Variants in MTUS2 observed in about 807,000 individuals in gnomAD.
MTUS2 encodes the protein microtubule associated scaffold protein 2, also known as microtubule-associated tumor suppressor candidate 2.
Under a neutral mutation model 114.1 loss-of-function variants are expected in MTUS2, and 40 were observed. The observed-to-expected ratio is 0.35, with a 90% CI of 0.27 to 0.46. The LOEUF (loss-of-function observed/expected upper bound fraction) is 0.46. MTUS2 is among the 20% of genes least tolerant of loss of function. MTUS2 has a pLI of 1.00. For synonymous variants in MTUS2, 688 were observed against 672.0 expected, an observed-to-expected ratio of 1.02 and a Z score of -0.37; for missense variants, 1,679 against 1,705.4, an observed-to-expected ratio of 0.98 and a Z score of 0.27.
chr13:29,190,631 G>A (rs1475258765), intron 5 of MTUS2, among the ~76,000 whole-genome samples: 1 of 152,214 alleles, frequency 6.6e-6, no homozygotes, highest in Non-Finnish European at 1.5e-5. Flanking sequence ...CATTGTGTTA[G>A]TTAGGTGTGG....
At chr13:29,203,354 C>T (rs969686410) in intron 5 of MTUS2, among the ~76,000 whole-genome samples, 2 of 152,040 alleles carry the variant, frequency 1.3e-5, no homozygotes, top group African/African-American at 4.8e-5. Context: ...TGGTGGATAC[C>T]CCTTTCTCCA....
At chr13:29,418,589 C>T (rs143153375) in intron 8 of MTUS2, among the ~76,000 whole-genome samples, 123 of 152,340 alleles carry the variant, frequency 8.1e-4, no homozygotes, top group African/African-American at 2.9e-3. Context: ...CTGTCTATGA[C>T]AGTAACCATA....
intron 8 of MTUS2, among the ~76,000 whole-genome samples, chr13:29,375,148 C>A (rs912552106): frequency 3.3e-5 from 5 of 151,946 alleles, no homozygotes; most frequent in Admixed American, 2.0e-4. Flanking sequence ...ATAAGAAACT[C>A]ACTGGGTGGA....
chr13:29,412,506 AC>A (rs1947211661), intron 8 of MTUS2, among the ~76,000 whole-genome samples: 1 of 152,122 alleles, frequency 6.6e-6, no homozygotes, highest in African/African-American at 2.4e-5. Context: ...TTCATGAGTG[AC>A]ATTGGTCTCC....
chr13:29,136,012 CTT>C (rs1278164561), intron 5 of MTUS2, among the ~76,000 whole-genome samples: 1 of 152,172 alleles, frequency 6.6e-6, no homozygotes, highest in African/African-American at 2.4e-5. Flanking sequence ...GTATTAGACT[CTT>C]AAGTCCCATA....
chr13:28,956,774 C>T (rs1302058311), intron 2 of MTUS2, among the ~76,000 whole-genome samples: 1 of 151,560 alleles, frequency 6.6e-6, no homozygotes, highest in Non-Finnish European at 1.5e-5. Context: ...GTGGCGGGGA[C>T]AGAGGGAAGA....
intron 6 of MTUS2, among the ~76,000 whole-genome samples, chr13:29,317,832 A>G (rs1900071298): frequency 1.3e-5 from 2 of 152,188 alleles, no homozygotes; most frequent in Non-Finnish European, 2.9e-5. Context: ...TCCAATCCCT[A>G]TAAATCCTAC....
chr13:28,840,543 T>G (rs1036135598), intron 2 of MTUS2, among the ~76,000 whole-genome samples: 1 of 152,244 alleles, frequency 6.6e-6, no homozygotes, highest in Non-Finnish European at 1.5e-5. Context: ...AATTGTAATA[T>G]GAATAATCAA....
intron 5 of MTUS2, among the ~76,000 whole-genome samples, chr13:29,269,868 G>A (rs1716922975): frequency 6.6e-6 from 1 of 152,144 alleles, no homozygotes; most frequent in Admixed American, 6.5e-5. Context: ...AATACCATAG[G>A]GCCTTTGAAA....
chr13:29,368,651 T>C (rs562950469), intron 8 of MTUS2, among the ~76,000 whole-genome samples: 2 of 152,132 alleles, frequency 1.3e-5, no homozygotes, highest in African/African-American at 4.8e-5. Context: ...AAAAAAATAA[T>C]GTACTTTATG....
chr13:29,338,184 C>G (rs1386000365), intron 7 of MTUS2, among the ~76,000 whole-genome samples: 1 of 152,134 alleles, frequency 6.6e-6, no homozygotes, highest in African/African-American at 2.4e-5. Context: ...TAGTCTAGGG[C>G]TTGTTTCACA....
At chr13:29,217,529 A>G (rs1895729724) in intron 5 of MTUS2, among the ~76,000 whole-genome samples, 1 of 152,248 alleles carries the variant, frequency 6.6e-6, no homozygotes, top group African/African-American at 2.4e-5. Context: ...TGAAAATTCT[A>G]ATATCACTTG....
At chr13:29,297,014 C>T (rs1305554005) in intron 6 of MTUS2, among the ~76,000 whole-genome samples, 1 of 152,142 alleles carries the variant, frequency 6.6e-6, no homozygotes, top group East Asian at 1.9e-4. Flanking sequence ...GCCATAAAAT[C>T]TTTGCCCAGA....
chr13:29,505,838 G>A lies in MTUS2; in HGVS notation c.*2632G>A, dbSNP rs1485465811. 8 of 228,966 alleles carry A rather than the reference G, an allele frequency of 3.5e-5. No homozygotes were observed. The highest frequency in any genetic ancestry group is 6.1e-5 in the Non-Finnish European group (7 of 115,454). 14.2% of individuals were successfully genotyped at this position (228,966 alleles called of 1,614,324 possible). On this transcript the variant is annotated 3_prime_UTR_variant, in exon 16 of 16. Transcript: ENST00000612955. ...GATGGGGGTGGGGGCAGCCCTGGCC[G>A]TGATTAGTTGAATGAATGGGGTCAC...
chr13:29,403,146 A>G (rs1039703382), intron 8 of MTUS2, among the ~76,000 whole-genome samples: 22 of 152,158 alleles, frequency 1.4e-4, no homozygotes, highest in African/African-American at 4.3e-4. Flanking sequence ...CTATCCTCCA[A>G]TTCAAATTAA....
chr13:29,047,939 T>C (rs114056870), intron 4 of MTUS2, among the ~76,000 whole-genome samples: 2,830 of 32,128 alleles, frequency 0.088, 81 homozygotes, highest in African/African-American at 0.21. Context: ...TTTGTGTCTC[T>C]TTCACTTAGT....
intron 6 of MTUS2, among the ~76,000 whole-genome samples, chr13:29,310,924 C>CT (rs1209069458): frequency 6.6e-6 from 1 of 152,156 alleles, no homozygotes; most frequent in East Asian, 1.9e-4. Context: ...ATGGACAAGC[C>CT]TGTTCAAAGC....
At chr13:29,203,786 G>T (rs1453285896) in intron 5 of MTUS2, among the ~76,000 whole-genome samples, 1 of 151,940 alleles carries the variant, frequency 6.6e-6, no homozygotes, top group Non-Finnish European at 1.5e-5. Flanking sequence ...GTAGTTCTTA[G>T]ACCCACTAGC....
intron 8 of MTUS2, among the ~76,000 whole-genome samples, chr13:29,425,927 T>C (rs1876491142): frequency 1.3e-5 from 2 of 152,190 alleles, no homozygotes; most frequent in Non-Finnish European, 2.9e-5. Flanking sequence ...ATACATCTCC[T>C]AAGAATAAGA....
Sources: allele counts gnomAD v4.1 joint callset (sites outside exome capture counted in the v4.1 genomes callset), GRCh38; gene constraint gnomAD v4.1.1; transcripts MANE v1.5; gene names NCBI Gene and HGNC (gene_info 2026-07-23, HGNC 2026-07-21).